The following VWA8 variants were observed in gnomAD, a reference collection of about 807,000 sequenced individuals.
VWA8 encodes von Willebrand factor A domain-containing protein 8.
VWA8 carries 221 observed loss-of-function variants against 241.5 expected under a neutral mutation model. That is an observed-to-expected ratio of 0.91 (90% CI 0.82 to 1.02). The LOEUF (loss-of-function observed/expected upper bound fraction) is 1.02. Ranked by LOEUF, VWA8 falls within the 50% of genes least tolerant of loss-of-function variation. VWA8 has a pLI of 0.00. For missense variants in VWA8, 2,322 were observed against 2,328.7 expected, an observed-to-expected ratio of 1.00 and a Z score of 0.06; for synonymous variants, 852 against 827.1, an observed-to-expected ratio of 1.03 and a Z score of -0.52.
chr13:41,919,414 A>G (rs938354822), intron 2 of VWA8, among the ~76,000 whole-genome samples: 3 of 152,094 alleles, frequency 2.0e-5, no homozygotes, highest in Non-Finnish European at 4.4e-5. Context: ...CTCCCAGAGA[A>G]CAAACCGACA....
chr13:41,888,286 G>A (rs1259671090), intron 5 of VWA8, among the ~76,000 whole-genome samples: 1 of 152,130 alleles, frequency 6.6e-6, no homozygotes, highest in Non-Finnish European at 1.5e-5. Flanking sequence ...TTGTGTGAAT[G>A]CACATTTGTA....
At chr13:41,709,610 G>T (rs2045303598) in intron 26 of VWA8, among the ~76,000 whole-genome samples, 1 of 152,104 alleles carries the variant, frequency 6.6e-6, no homozygotes, top group Admixed American at 6.5e-5. Context: ...AATGTCTCCA[G>T]TGTTCTTCCC....
chr13:41,894,555 G>A lies in VWA8; in HGVS notation c.484-2968C>T, dbSNP rs575143353. The stretch of plus-strand genomic sequence containing the variant: ...ATAGAAATAGAAAATGATCAATTTC[G>A]CAAACACCACAGTAGTAACTGCTGC... On this transcript the variant is annotated intron_variant, in intron 4 of 44. Transcript: ENST00000379310. Among the ~76,000 whole-genome samples the A allele has an allele frequency of 6.6e-5, 10 of 152,238 alleles. No individual in the cohort carries two copies. The South Asian group carries it at 1.0e-3, about 16-fold the overall frequency.
At chr13:41,765,521 T>C (rs1593756306) in intron 20 of VWA8, among the ~76,000 whole-genome samples, 1 of 152,240 alleles carries the variant, frequency 6.6e-6, no homozygotes, top group Non-Finnish European at 1.5e-5. Flanking sequence ...GAAACAGTTA[T>C]AATGACTTGT....
intron 37 of VWA8, among the ~76,000 whole-genome samples, chr13:41,663,109 T>C (rs1484659295): frequency 6.6e-6 from 1 of 152,194 alleles, no homozygotes; most frequent in Non-Finnish European, 1.5e-5. Context: ...CCAGGTTTTA[T>C]AGCTGCATTC....
chr13:41,956,350 T>A (rs1415110303), intron 1 of VWA8, among the ~76,000 whole-genome samples: 1 of 152,202 alleles, frequency 6.6e-6, no homozygotes, highest in Non-Finnish European at 1.5e-5. Context: ...TTATATATAC[T>A]AAACTTAGAC....
intron 26 of VWA8, among the ~76,000 whole-genome samples, chr13:41,710,662 C>T (rs1361446926): frequency 6.6e-6 from 1 of 152,074 alleles, no homozygotes; most frequent in Non-Finnish European, 1.5e-5. Context: ...CGATCAACAC[C>T]ATGAACTTAT....
intron 12 of VWA8, among the ~76,000 whole-genome samples, chr13:41,843,482 G>A (rs1377763549): frequency 6.6e-6 from 1 of 152,046 alleles, no homozygotes; most frequent in Non-Finnish European, 1.5e-5. Context: ...CAGAAGAAAA[G>A]AAATAACTAA....
At chr13:41,720,684 C>T (rs2045382541) in intron 25 of VWA8, among the ~76,000 whole-genome samples, 1 of 152,136 alleles carries the variant, frequency 6.6e-6, no homozygotes, top group Non-Finnish European at 1.5e-5. Flanking sequence ...GGATCAACAT[C>T]TTCCCCTGTG....
intron 9 of VWA8, among the ~76,000 whole-genome samples, chr13:41,875,237 G>A (rs75850392): frequency 3.9e-4 from 60 of 152,150 alleles, no homozygotes; most frequent in African/African-American, 1.4e-3. Flanking sequence ...GTCATATTAT[G>A]GCAGCTTCAT....
chr13:41,831,613 G>GTTTTTTTTTTTT, intron 13 of VWA8, among the ~76,000 whole-genome samples: 1 of 113,412 alleles, frequency 8.8e-6, no homozygotes, highest in Non-Finnish European at 1.7e-5. Flanking sequence ...CCAGGCATGA[G>GTTTTTTTTTTTT]TTTTTTTTTT....
At chr13:41,607,205 G>A (rs1032199635) in intron 39 of VWA8, among the ~76,000 whole-genome samples, 7 of 152,124 alleles carry the variant, frequency 4.6e-5, no homozygotes, top group African/African-American at 1.7e-4. Context: ...ATACCTGCCT[G>A]GCACACAGTG....
intron 37 of VWA8, among the ~76,000 whole-genome samples, chr13:41,649,884 T>G (rs2044858200): frequency 6.6e-6 from 1 of 152,192 alleles, no homozygotes; most frequent in Non-Finnish European, 1.5e-5. Context: ...TAGGTACAAA[T>G]TTAAGTGATC....
chr13:41,571,916 C>A (rs941806115), intron 43 of VWA8, among the ~76,000 whole-genome samples: 1 of 150,950 alleles, frequency 6.6e-6, no homozygotes, highest in Non-Finnish European at 1.5e-5. Context: ...TGTCTCTGCC[C>A]GGCCGCCCAT....
chr13:41,758,392 ACGCTAG>A (rs1389323526), intron 21 of VWA8, among the ~76,000 whole-genome samples: 1,862 of 14,112 alleles, frequency 0.13, 239 homozygotes, highest in South Asian at 0.27. Flanking sequence ...ATATATATAT[ACGCTAG>A]TATATATATA....
intron 43 of VWA8, among the ~76,000 whole-genome samples, chr13:41,570,988 G>GA (rs930327702): frequency 9.2e-5 from 14 of 152,112 alleles, no homozygotes; most frequent in Admixed American, 2.6e-4. Context: ...CTTAAAGTGA[G>GA]AAAATATAAG....
intron 12 of VWA8, 128 bp from the exon 13 acceptor site, chr13:41,833,659 TCATC>T (rs1871584458): frequency 5.4e-6 from 6 of 1,108,426 alleles, no homozygotes; most frequent in Non-Finnish European, 7.1e-6. Context: ...AACAGAGAAG[TCATC>T]TTCTCCAATT....
chr13:41,762,665 A>G (rs1157555265), intron 20 of VWA8, among the ~76,000 whole-genome samples: 1 of 152,140 alleles, frequency 6.6e-6, no homozygotes, highest in Non-Finnish European at 1.5e-5. Context: ...GGAAGCAGGT[A>G]TTTTTACTGG....
At chr13:41,584,462 C>T (rs528558067) in intron 42 of VWA8, among the ~76,000 whole-genome samples, 1 of 152,292 alleles carries the variant, frequency 6.6e-6, no homozygotes, top group South Asian at 2.1e-4. Flanking sequence ...CTTGTCCCTC[C>T]AGACACTCAC....
Sources: gnomAD v4.1 joint callset for allele counts (sites outside exome capture counted in the v4.1 genomes callset) on GRCh38, gnomAD v4.1.1 for gene constraint, MANE v1.5 for transcripts, NCBI Gene and HGNC (gene_info 2026-07-23, HGNC 2026-07-21) for gene names.